SLN: variants seen among roughly 807,000 people sequenced by gnomAD.
SLN encodes sarcolipin.
For synonymous variants in SLN, 19 were observed against 14.4 expected (o/e 1.32, Z -0.72); for missense variants, 34 against 37.4 (o/e 0.91, Z 0.24).
chr11:107,707,965 T>A lies in SLN; in HGVS notation c.-35A>T. 2 of 1,493,262 alleles carry A rather than the reference T, an allele frequency of 1.3e-6. No individual in the cohort carries two copies. Among genetic ancestry groups the A allele is most frequent in the Non-Finnish European group, 1.9e-6 (2 of 1,069,562 alleles). 92.5% of individuals were successfully genotyped at this position (1,493,262 alleles called of 1,614,324 possible). ...GGCTTGGTGAGAACTGCAGGCAGAT[T>A]TCTGAGGGCACACCAAGGACCTCTG... On this transcript the variant is annotated 5_prime_UTR_variant, in exon 2 of 2. Transcript: ENST00000305991.
intron 1 of SLN, 129 bp downstream of exon 1, chr11:107,711,834 C>T (rs997403606): frequency 4.6e-5 from 7 of 152,152 alleles, no homozygotes; most frequent in Admixed American, 3.9e-4. Context: ...CACTTTATAT[C>T]TTAAGGCATG....
At chr11:107,708,155 C>T (rs948554938) in intron 1 of SLN, 150 bp from the exon 2 acceptor site, 1 of 577,360 alleles carries the variant, frequency 1.7e-6, no homozygotes, top group Non-Finnish European at 3.1e-6. Flanking sequence ...CATGTCAAAG[C>T]CCTAGCTCAC....
At position 107,707,785 on chromosome 11, in the gene SLN, C is replaced by T. The variant is rs765527807; in HGVS notation, c.*50G>A. 2 of 1,380,980 alleles carry T rather than the reference C, an allele frequency of 1.4e-6. No homozygotes were observed. The highest frequency in any genetic ancestry group is 2.1e-6 in the Non-Finnish European group (2 of 969,610). The allele number at this position is 1,380,980 out of a possible 1,614,324, so 85.5% of individuals were successfully genotyped here. A position where few individuals can be genotyped will look rare whatever the true frequency, so the allele number is the denominator to read the frequency against. On this transcript the variant is annotated 3_prime_UTR_variant, in exon 2 of 2. Transcript: ENST00000305991. Reference sequence around the variant, plus strand: ...AGCAGTGGGGTCTCAGGGCATAGAGCAGGCAGCTCCGGAGCATCTCAGTCA... The same window carrying T: ...AGCAGTGGGGTCTCAGGGCATAGAGTAGGCAGCTCCGGAGCATCTCAGTCA...
intron 1 of SLN, among the ~76,000 whole-genome samples, chr11:107,710,564 GA>G (rs996526802): frequency 6.6e-6 from 1 of 152,194 alleles, no homozygotes; most frequent in African/African-American, 2.4e-5. Context: ...TAGCAGACTG[GA>G]ACTAGTTACT....
rs551937617 is a variant in SLN, at chr11:107,711,602, A to G, written c.-76+361T>C. On this transcript the variant is annotated intron_variant, in intron 1 of 1. Transcript: ENST00000305991. ...CATTCCCTGAAGTCAAGGTCATGCCATATGATCCAGTGATTGCAAATGGAT... is the reference window on the plus strand; with the variant it reads ...CATTCCCTGAAGTCAAGGTCATGCCGTATGATCCAGTGATTGCAAATGGAT... Among the ~76,000 whole-genome samples the G allele has an allele frequency of 7.2e-5, 11 of 152,334 alleles. No individual in the cohort carries two copies. In the East Asian group the frequency reaches 1.9e-3, roughly 27 times the overall value.
intron 1 of SLN, among the ~76,000 whole-genome samples, chr11:107,711,653 TA>T (rs1184602692): frequency 6.6e-6 from 1 of 152,126 alleles, no homozygotes; most frequent in Non-Finnish European, 1.5e-5. Context: ...AAGCTCTGAA[TA>T]AATTGTGCAG....
intron 1 of SLN, among the ~76,000 whole-genome samples, chr11:107,708,667 A>G (rs1017782900): frequency 3.3e-5 from 5 of 152,088 alleles, no homozygotes; most frequent in African/African-American, 1.2e-4. Context: ...TGATGATCGT[A>G]TTGGTGCTTT....
In SLN at chr11:107,707,971, G is replaced by C. The variant is rs1867173611; in HGVS notation, c.-41C>G. 6.8e-7 allele frequency: 1 copy of C among 1,461,220 alleles called. No individual in the cohort carries two copies. The highest frequency in any genetic ancestry group is 1.7e-5 in the Admixed American group (1 of 59,778). The allele number at this position is 1,461,220 out of a possible 1,614,324, so 90.5% of individuals were successfully genotyped here. A position where few individuals can be genotyped will look rare whatever the true frequency, so the allele number is the denominator to read the frequency against. On this transcript the variant is annotated 5_prime_UTR_variant, in exon 2 of 2. Coordinates refer to ENST00000305991, the MANE Select transcript of SLN (RefSeq NM_003063.3). ...GTGAGAACTGCAGGCAGATTTCTGA[G>C]GGCACACCAAGGACCTCTGGCTTCT...
chr11:107,708,014 A>T lies in SLN; in HGVS notation c.-75-9T>A. 1 of 882,224 alleles carries T rather than the reference A, an allele frequency of 1.1e-6. No homozygotes were observed. Among genetic ancestry groups the T allele is most frequent in the Non-Finnish European group, 1.9e-6 (1 of 516,752 alleles). The allele number at this position is 882,224 out of a possible 1,614,324, so 54.6% of individuals were successfully genotyped here. On this transcript the variant is annotated splice_polypyrimidine_tract_variant and intron_variant, in intron 1 of 1. Transcript: ENST00000305991. ...TGGCTTCTCCTCACCTCCTGATAAA[A>T]CATAACAAAGAAAACACAAGGAGAT...
intron 1 of SLN, among the ~76,000 whole-genome samples, chr11:107,709,885 G>C (rs1867195066): frequency 6.6e-6 from 1 of 151,364 alleles, no homozygotes; most frequent in East Asian, 2.0e-4. Flanking sequence ...TGGGAGGCTG[G>C]AGTGGGAGGA....
chr11:107,709,762 C>T (rs895480526), intron 1 of SLN, among the ~76,000 whole-genome samples: 4 of 152,136 alleles, frequency 2.6e-5, no homozygotes, highest in Non-Finnish European at 5.9e-5. Flanking sequence ...TTTCATCTCC[C>T]TTTTAATTAT....
chr11:107,711,386 G>A (rs1201588046), intron 1 of SLN, among the ~76,000 whole-genome samples: 1 of 152,160 alleles, frequency 6.6e-6, no homozygotes, highest in African/African-American at 2.4e-5. Flanking sequence ...AACATGAAGA[G>A]TTAAGGTGAG....
At chr11:107,711,135 C>G (rs1451154937) in intron 1 of SLN, among the ~76,000 whole-genome samples, 1 of 152,088 alleles carries the variant, frequency 6.6e-6, no homozygotes, top group African/African-American at 2.4e-5. Flanking sequence ...CAAGAATGGG[C>G]TTCTGGGTGC....
At chr11:107,711,850 T>C (rs1867214209) in intron 1 of SLN, 113 bp downstream of exon 1, 1 of 152,194 alleles carries the variant, frequency 6.6e-6, no homozygotes, top group Admixed American at 6.5e-5. Flanking sequence ...GCATGCTGTA[T>C]CCAAGGGGCA....
intron 1 of SLN, among the ~76,000 whole-genome samples, chr11:107,711,068 A>G (rs557416591): frequency 1.3e-5 from 2 of 152,210 alleles, no homozygotes; most frequent in African/African-American, 4.8e-5. Flanking sequence ...TGGTCAAATT[A>G]TAAAGAATAA....
intron 1 of SLN, among the ~76,000 whole-genome samples, chr11:107,708,350 G>T (rs1867177104): frequency 6.6e-6 from 1 of 152,058 alleles, no homozygotes; most frequent in Non-Finnish European, 1.5e-5. Flanking sequence ...GCATTTACAA[G>T]CCAAAGAAAG....
chr11:107,708,874 T>G (rs1291672004), intron 1 of SLN, among the ~76,000 whole-genome samples: 1 of 152,228 alleles, frequency 6.6e-6, no homozygotes, highest in Admixed American at 6.5e-5. Context: ...GGCCTCAGGC[T>G]GCTGTAGGTC....
chr11:107,711,661 G>A (rs1444795760), intron 1 of SLN, among the ~76,000 whole-genome samples: 1 of 152,108 alleles, frequency 6.6e-6, no homozygotes, highest in Non-Finnish European at 1.5e-5. Flanking sequence ...AATAAATTGT[G>A]CAGGAAGTTT....
At chr11:107,708,951 T>C (rs1591158572) in intron 1 of SLN, among the ~76,000 whole-genome samples, 1 of 152,198 alleles carries the variant, frequency 6.6e-6, no homozygotes, top group South Asian at 2.1e-4. Flanking sequence ...AAGTCCTGCA[T>C]TGGGCACATA....
Sources: gnomAD v4.1 joint callset for allele counts (sites outside exome capture counted in the v4.1 genomes callset) on GRCh38, gnomAD v4.1.1 for gene constraint, MANE v1.5 for transcripts, NCBI Gene and HGNC (gene_info 2026-07-23, HGNC 2026-07-21) for gene names.